Variants in CRELD1 observed in about 807,000 individuals in gnomAD.
The protein encoded by CRELD1 is CRELD disulfide isomerase 1.
Under a neutral mutation model 58.2 loss-of-function variants are expected in CRELD1, and 42 were observed. That is an observed-to-expected ratio of 0.72 (90% confidence interval 0.56 to 0.93). The LOEUF is 0.93. Among genes scored for constraint, CRELD1 ranks in the 40% least tolerant of loss-of-function variants. The pLI, the probability that CRELD1 is intolerant of heterozygous loss-of-function variation, is 0.00. For synonymous variants in CRELD1, 222 were observed against 202.0 expected, an observed-to-expected ratio of 1.10 and a Z score of -0.84; for missense variants, 500 against 540.6, an observed-to-expected ratio of 0.92 and a Z score of 0.74.
chr3:9,939,478 G>A (rs1217026581), intron 5 of CRELD1, among the ~76,000 whole-genome samples: 1 of 152,120 alleles, frequency 6.6e-6, no homozygotes, highest in Non-Finnish European at 1.5e-5. Context: ...AGGACCCTGC[G>A]GCCTTCCGCA....
At chr3:9,940,800 T>TA (rs1376524291) in intron 5 of CRELD1, 50 bp from the exon 6 acceptor site, 2 of 1,437,870 alleles carry the variant, frequency 1.4e-6, no homozygotes, top group Non-Finnish European at 1.9e-6. Flanking sequence ...TATTATCTTG[T>TA]ATATCAAGGT....
chr3:9,934,595 G>T lies in CRELD1; in HGVS notation c.157G>T (p.Val53Phe). 1 of 1,613,608 alleles carries T rather than the reference G, an allele frequency of 6.2e-7. No homozygotes were observed. Among genetic ancestry groups the T allele is most frequent in the Non-Finnish European group, 8.5e-7 (1 of 1,179,576 alleles). ...TCCGTGTCATACCTGCCGGGGACTG[G>T]TTGACAGCTTTAACAAGGTGGGTGC... ...PHPCHTCRGL[V>F]DSFNKGLERT... Residue 53 changes from valine (V) to phenylalanine (F), a missense_variant, in exon 2 of 11, where the codon GTT becomes TTT. Physicochemically the swap from Val to Phe is conservative, Grantham distance 50 (BLOSUM62 -1). Coordinates refer to ENST00000452070, the MANE Select transcript of CRELD1 (RefSeq NM_001077415.3).
rs1249384170 is a variant in CRELD1, at chr3:9,937,618, G to A, written c.314G>A (p.Cys105Tyr). The change falls in exon 4 of 11, where the codon TGC becomes TAC. Residue 105 changes from cysteine (C) to tyrosine (Y), a missense_variant. Cys to Tyr is a radical substitution (Grantham distance 194, BLOSUM62 -2). Transcript: ENST00000452070. ...EGVCSKSDFE[C>Y]HRLLELSEEL... ...GTGTGCAGCAAGTCAGACTTCGAGT[G>A]CCACCGCCTGCTGGAGCTGAGTGAG... 6.2e-7 allele frequency: 1 copy of A among 1,612,498 alleles called. No homozygotes were observed.
intron 7 of CRELD1, among the ~76,000 whole-genome samples, chr3:9,942,474 C>T (rs1042037041): frequency 6.6e-6 from 1 of 152,052 alleles, no homozygotes; most frequent in African/African-American, 2.4e-5. Flanking sequence ...ATCTCTGTGT[C>T]CCACATGCCA....
chr3:9,939,162 A>C (rs920050863), intron 5 of CRELD1, among the ~76,000 whole-genome samples: 23 of 150,440 alleles, frequency 1.5e-4, no homozygotes, highest in African/African-American at 5.7e-4. Flanking sequence ...TAAATAAATA[A>C]ATAAATAAAT....
chr3:9,936,021 A>G (rs1346662652), intron 3 of CRELD1: 2 of 152,230 alleles, frequency 1.3e-5, no homozygotes, highest in Non-Finnish European at 2.9e-5. Context: ...ATGTAAAGAA[A>G]GGCATGGGAA....
intron 7 of CRELD1, among the ~76,000 whole-genome samples, chr3:9,941,744 C>T (rs192382429): frequency 2.9e-5 from 4 of 139,988 alleles, no homozygotes; most frequent in Non-Finnish European, 6.0e-5. Context: ...GAGCCGAGAT[C>T]GCACCACTGC....
chr3:9,943,212 C>T, intron 9 of CRELD1, 40 bp downstream of exon 9: 4 of 1,593,966 alleles, frequency 2.5e-6, no homozygotes, highest in Non-Finnish European at 3.4e-6. Flanking sequence ...CCTGGGAGTG[C>T]CTCACCCAGC....
In CRELD1 at chr3:9,937,568, C is replaced by G. The variant is rs771889462; in HGVS notation, c.264C>G (p.Thr88=). Residue 88 remains threonine, a synonymous_variant, in exon 4 of 11, where the codon ACC becomes ACG. Transcript: ENST00000452070. ...CCCTGCCCTGTCCGATCAGTGAGACCCGCCTGGTAGAGGTGCTGGAGGGTG... is the reference window on the plus strand; with the variant it reads ...CCCTGCCCTGTCCGATCAGTGAGACGCGCCTGGTAGAGGTGCTGGAGGGTG... ...ENLSKYKDSE[T]RLVEVLEGVC... 1.2e-6 allele frequency: 2 copies of G among 1,610,286 alleles called. No individual in the cohort carries two copies. Among genetic ancestry groups the G allele is most frequent in the Non-Finnish European group, 1.7e-6 (2 of 1,178,760 alleles).
At chr3:9,938,208 G>T in intron 5 of CRELD1, 102 bp downstream of exon 5, 1 of 896,678 alleles carries the variant, frequency 1.1e-6, no homozygotes, top group Admixed American at 1.9e-5. Context: ...AGGCTACTCA[G>T]ATAAACTTCT....
At chr3:9,936,526 T>A (rs1449837373) in intron 3 of CRELD1, among the ~76,000 whole-genome samples, 1 of 147,048 alleles carries the variant, frequency 6.8e-6, no homozygotes, top group Non-Finnish European at 1.5e-5. Flanking sequence ...TATGTCTGCG[T>A]ATATATATGT....
At chr3:9,939,742 A>G (rs894056762) in intron 5 of CRELD1, among the ~76,000 whole-genome samples, 5 of 152,190 alleles carry the variant, frequency 3.3e-5, no homozygotes, top group African/African-American at 9.6e-5. Context: ...CTTTCTACAC[A>G]GACACAGCAA....
Position 9,944,583 on chromosome 3 carries a change from C to T in CRELD1, c.*4C>T, listed in dbSNP as rs561736299. The T allele has an allele frequency of 9.4e-6, 15 of 1,597,822 alleles. No homozygotes were observed. The Admixed American group carries it at 1.0e-4, about 11-fold the overall frequency. On this transcript the variant is annotated 3_prime_UTR_variant, in exon 11 of 11. Transcript: ENST00000452070. ...GGGCTTCATCAAGGGCAGATAATCG[C>T]GGCCACCACCTGTAGGACCTCCTCC...
chr3:9,939,970 C>T (rs938453823), intron 5 of CRELD1, among the ~76,000 whole-genome samples: 1 of 151,446 alleles, frequency 6.6e-6, no homozygotes, highest in African/African-American at 2.4e-5. Context: ...GGCTGACCCC[C>T]TCACCTCCCT....
At position 9,944,703 on chromosome 3, in the gene CRELD1, C is replaced by A; in HGVS notation, c.*124C>A. On this transcript the variant is annotated 3_prime_UTR_variant, in exon 11 of 11. Transcript: ENST00000452070. ...AGAGTGGGGTAAGCACCCCTACCTG[C>A]CTTACAGAGCAGCCCAGGTACCCAG... is the stretch of plus-strand genomic sequence containing the variant. 5.3e-6 allele frequency: 5 copies of A among 937,086 alleles called. No individual in the cohort carries two copies. The Admixed American group carries it at 1.0e-4, about 19-fold the overall frequency. 58.0% of individuals were successfully genotyped at this position (937,086 alleles called of 1,614,324 possible).
intron 9 of CRELD1, 85 bp downstream of exon 9, chr3:9,943,257 G>A: frequency 1.3e-6 from 2 of 1,590,412 alleles, no homozygotes; most frequent in South Asian, 1.1e-5. Context: ...TGGGCAGGTG[G>A]GGGAAGGAAG....
Position 9,945,350 on chromosome 3 carries a change from CA to C in CRELD1, c.*772del, listed in dbSNP as rs1402536372. 2 of 152,672 alleles carry C rather than the reference CA, an allele frequency of 1.3e-5. No individual in the cohort carries two copies. The highest frequency in any genetic ancestry group is 2.4e-5 in the African/African-American group (1 of 41,460). 9.5% of individuals were successfully genotyped at this position (152,672 alleles called of 1,614,324 possible). ...GAGGTGACAAATGTGAAGACCTGGA[CA>C]GTACACAACAGATATTCAATAAAAG... On this transcript the variant is annotated 3_prime_UTR_variant, in exon 11 of 11. Coordinates refer to ENST00000452070, the MANE Select transcript of CRELD1 (RefSeq NM_001077415.3).
Position 9,944,432 on chromosome 3 carries a change from C to T in CRELD1, c.1116C>T (p.Gly372=). 6.2e-6 allele frequency: 10 copies of T among 1,614,030 alleles called. No individual in the cohort carries two copies. Among genetic ancestry groups the T allele is most frequent in the Non-Finnish European group, 8.5e-6 (10 of 1,180,004 alleles). The change falls in exon 11 of 11, where the codon GGC becomes GGT. Residue 372 remains glycine, a synonymous_variant. Transcript: ENST00000452070. ...TGGTGCTGCAGCAGATGTTCTTTGG[C>T]ATCATCATCTGTGCACTGGCCACGC... ...ELVVLQQMFF[G]IIICALATLA...
At chr3:9,944,267 G>T in intron 10 of CRELD1, 98 bp from the exon 11 acceptor site, 1 of 1,115,200 alleles carries the variant, frequency 9.0e-7, no homozygotes, top group Non-Finnish European at 1.4e-6. Context: ...CAGGCCTGGT[G>T]GCCATGATGA....
Sources: allele counts gnomAD v4.1 joint callset (sites outside exome capture counted in the v4.1 genomes callset), GRCh38; gene constraint gnomAD v4.1.1; transcripts MANE v1.5; gene names NCBI Gene and HGNC (gene_info 2026-07-23, HGNC 2026-07-21).